The following FANCC variants were observed in gnomAD, a reference collection of about 807,000 sequenced individuals.
FANCC encodes FA complementation group C, also known as Fanconi anemia group C protein.
In FANCC, 55 loss-of-function variants were observed where a neutral mutation model predicts 71.3. The observed-to-expected ratio is 0.77, with a 90% CI of 0.62 to 0.97. The LOEUF (loss-of-function observed/expected upper bound fraction) is 0.97. FANCC is among the 50% of genes least tolerant of loss of function. The pLI is 0.00. For synonymous variants in FANCC, 275 were observed against 244.9 expected (o/e 1.12, Z -1.15); for missense variants, 678 against 670.9 (o/e 1.01, Z -0.12).
At chr9:95,232,469 A>C (rs1830065726) in intron 4 of FANCC, among the ~76,000 whole-genome samples, 1 of 152,240 alleles carries the variant, frequency 6.6e-6, no homozygotes, top group Non-Finnish European at 1.5e-5. Flanking sequence ...GGCAGTGAAA[A>C]AACAAATACA....
chr9:95,207,731 A>G (rs1003753744), intron 4 of FANCC, among the ~76,000 whole-genome samples: 1 of 152,122 alleles, frequency 6.6e-6, no homozygotes, highest in African/African-American at 2.4e-5. Context: ...TTCATTATAT[A>G]CTGTACCTGT....
chr9:95,255,610 T>C (rs1334668637), intron 1 of FANCC, among the ~76,000 whole-genome samples: 1 of 152,040 alleles, frequency 6.6e-6, no homozygotes, highest in Non-Finnish European at 1.5e-5. Context: ...ACAAAAAGGC[T>C]GAAAATTCCA....
intron 2 of FANCC, 94 bp from the exon 3 acceptor site, chr9:95,247,610 T>C (rs1191111347): frequency 3.8e-6 from 3 of 798,916 alleles, no homozygotes; most frequent in Non-Finnish European, 6.6e-6. Flanking sequence ...TGAATGCTTC[T>C]TGTTTAGTAT....
intron 4 of FANCC, among the ~76,000 whole-genome samples, chr9:95,188,989 A>G (rs1310627837): frequency 1.3e-5 from 2 of 152,232 alleles, no homozygotes; most frequent in Non-Finnish European, 2.9e-5. Context: ...CAGTATATGT[A>G]ATTTTCTCAT....
Position 95,111,199 on chromosome 9 carries a change from A to C in FANCC, c.1329+264T>G, listed in dbSNP as rs1050076531. On this transcript the variant is annotated intron_variant, in intron 13 of 14. Transcript: ENST00000289081. ...ATGGCAGCTGAGCAATAACAGATCA[A>C]ATGACCTTGGGGAAGAAGGGTCTTC... The C allele has an allele frequency of 5.2e-6, 8 of 1,536,086 alleles. No individual in the cohort carries two copies. The African/African-American group carries it at 1.1e-4, about 21-fold the overall frequency.
intron 10 of FANCC, among the ~76,000 whole-genome samples, chr9:95,121,720 T>C (rs1439556188): frequency 3.9e-5 from 6 of 152,228 alleles, no homozygotes; most frequent in East Asian, 1.9e-4. Flanking sequence ...TCTCAAAAGA[T>C]TGCACAGAGT....
At chr9:95,219,156 T>C (rs1163653981) in intron 4 of FANCC, among the ~76,000 whole-genome samples, 2 of 152,138 alleles carry the variant, frequency 1.3e-5, no homozygotes, top group African/African-American at 4.8e-5. Context: ...CAGAAGGTAG[T>C]GGCAAGTTCT....
At chr9:95,264,714 G>GA (rs1352422522) in intron 1 of FANCC, among the ~76,000 whole-genome samples, 2 of 151,416 alleles carry the variant, frequency 1.3e-5, no homozygotes, top group Non-Finnish European at 2.9e-5. Context: ...TATGGAAAAA[G>GA]AAAAAAAAGA....
intron 1 of FANCC, among the ~76,000 whole-genome samples, chr9:95,310,188 C>T (rs1213611798): frequency 6.6e-6 from 1 of 152,122 alleles, no homozygotes; most frequent in African/African-American, 2.4e-5. Flanking sequence ...CATAGCATGA[C>T]TCTGTCTCTA....
At chr9:95,118,478 G>T (rs1406249170) in intron 10 of FANCC, among the ~76,000 whole-genome samples, 2 of 152,228 alleles carry the variant, frequency 1.3e-5, no homozygotes, top group East Asian at 3.8e-4. Context: ...AAGTATATGA[G>T]GTTTTGGTAA....
intron 4 of FANCC, among the ~76,000 whole-genome samples, chr9:95,219,761 C>T (rs893795374): frequency 2.0e-5 from 3 of 152,152 alleles, no homozygotes; most frequent in Admixed American, 6.5e-5. Flanking sequence ...ACCATAAAAA[C>T]CCTAGAAGAA....
chr9:95,252,972 C>T (rs925518293), intron 1 of FANCC, among the ~76,000 whole-genome samples: 1 of 151,446 alleles, frequency 6.6e-6, no homozygotes, highest in African/African-American at 2.4e-5. Flanking sequence ...GCAGGAGGAT[C>T]GCTTGGACCC....
intron 3 of FANCC, among the ~76,000 whole-genome samples, chr9:95,243,118 A>G (rs949502438): frequency 1.3e-5 from 2 of 152,232 alleles, no homozygotes; most frequent in Non-Finnish European, 2.9e-5. Flanking sequence ...AAAAGTATGA[A>G]GGCAGCAAAT....
chr9:95,204,679 C>T (rs1218649324), intron 4 of FANCC, among the ~76,000 whole-genome samples: 1 of 152,098 alleles, frequency 6.6e-6, no homozygotes, highest in African/African-American at 2.4e-5. Flanking sequence ...ATGTTGACTT[C>T]GAAAATCAAA....
At chr9:95,223,819 A>G (rs1299139930) in intron 4 of FANCC, among the ~76,000 whole-genome samples, 2 of 152,080 alleles carry the variant, frequency 1.3e-5, no homozygotes, top group African/African-American at 4.8e-5. Context: ...TCTACTGACA[A>G]TACAAAAATT....
Position 95,234,821 on chromosome 9 carries a change from G to A in FANCC, c.345+5828C>T, listed in dbSNP as rs142600937. On this transcript the variant is annotated intron_variant, in intron 4 of 14. Transcript: ENST00000289081. ...CAGAAGGCCAGCAGGCTTTAGACCC[G>A]GGAAGAGGTGACGTTTCAGTCTGAG... 6.6e-5 allele frequency among the ~76,000 whole-genome samples: 10 copies of A among 152,282 alleles called. No homozygotes were observed. The East Asian group carries it at 9.7e-4, about 15-fold the overall frequency.
chr9:95,303,014 G>C (rs1037206322), intron 1 of FANCC, among the ~76,000 whole-genome samples: 20 of 152,042 alleles, frequency 1.3e-4, no homozygotes, highest in Non-Finnish European at 2.8e-4. Flanking sequence ...AAAAAGTTCA[G>C]ACCCACTGGA....
chr9:95,315,070 C>T (rs1036333352), intron 1 of FANCC, among the ~76,000 whole-genome samples: 1 of 152,168 alleles, frequency 6.6e-6, no homozygotes, highest in Non-Finnish European at 1.5e-5. Flanking sequence ...TATAAAGCTG[C>T]CATAATCAAG....
chr9:95,222,319 A>T (rs1469629561), intron 4 of FANCC, among the ~76,000 whole-genome samples: 1 of 152,234 alleles, frequency 6.6e-6, no homozygotes. Flanking sequence ...AAAAGTAATC[A>T]GCTACATATA....
Sources: allele counts gnomAD v4.1 joint callset (sites outside exome capture counted in the v4.1 genomes callset), GRCh38; gene constraint gnomAD v4.1.1; transcripts MANE v1.5; gene names NCBI Gene and HGNC (gene_info 2026-07-23, HGNC 2026-07-21).